The following EBF1 variants were observed in gnomAD, a reference collection of about 807,000 sequenced individuals.
EBF1 encodes the protein transcription factor COE1.
In EBF1, 10 loss-of-function variants were observed where a neutral mutation model predicts 68.4. The observed-to-expected ratio is 0.15, with a 90% CI of 0.09 to 0.25. EBF1 has a LOEUF of 0.25. Among genes scored for constraint, EBF1 ranks in the 10% least tolerant of loss-of-function variants. The pLI, the probability that EBF1 is intolerant of heterozygous loss-of-function variation, is 1.00. For synonymous variants in EBF1, 298 were observed against 299.8 expected, an observed-to-expected ratio of 0.99 and a Z score of 0.06; for missense variants, 509 against 794.4, an observed-to-expected ratio of 0.64 and a Z score of 4.32.
intron 8 of EBF1, among the ~76,000 whole-genome samples, chr5:158,805,142 C>CA (rs1198604360): frequency 6.6e-6 from 1 of 151,994 alleles, no homozygotes; most frequent in East Asian, 1.9e-4. Context: ...AATAACCTTC[C>CA]AAAAATGGAC....
At chr5:158,739,842 TC>T (rs756749996) in intron 10 of EBF1, among the ~76,000 whole-genome samples, 2 of 152,172 alleles carry the variant, frequency 1.3e-5, no homozygotes, top group Non-Finnish European at 2.9e-5. Flanking sequence ...TTTTCTTATA[TC>T]CCCACCCCAG....
intron 6 of EBF1, among the ~76,000 whole-genome samples, chr5:158,955,897 T>G (rs1255293001): frequency 6.6e-6 from 1 of 152,198 alleles, no homozygotes; most frequent in African/African-American, 2.4e-5. Flanking sequence ...AGCAATGGCT[T>G]ACCAAAGGAG....
At chr5:159,071,029 C>T (rs1181494272) in intron 6 of EBF1, among the ~76,000 whole-genome samples, 1 of 152,148 alleles carries the variant, frequency 6.6e-6, no homozygotes, top group Admixed American at 6.6e-5. Flanking sequence ...TGCATAAGTT[C>T]TTCTCTTGTT....
At chr5:158,846,168 G>C (rs1271970109) in intron 6 of EBF1, among the ~76,000 whole-genome samples, 1 of 152,156 alleles carries the variant, frequency 6.6e-6, no homozygotes, top group Admixed American at 6.5e-5. Context: ...GACTTGCTCT[G>C]GCCCAATGCA....
At chr5:159,084,134 A>T (rs1780213869) in intron 5 of EBF1, among the ~76,000 whole-genome samples, 1 of 152,040 alleles carries the variant, frequency 6.6e-6, no homozygotes, top group Admixed American at 6.6e-5. Flanking sequence ...TCAGAGTTAT[A>T]TATAGGGTAA....
intron 6 of EBF1, among the ~76,000 whole-genome samples, chr5:158,885,682 C>T (rs1799900693): frequency 6.6e-6 from 1 of 152,176 alleles, no homozygotes; most frequent in Non-Finnish European, 1.5e-5. Context: ...AGGAAAGATA[C>T]TGGCTCCATT....
chr5:158,836,639 A>G (rs999146142), intron 7 of EBF1, among the ~76,000 whole-genome samples: 8 of 152,236 alleles, frequency 5.3e-5, no homozygotes, highest in Admixed American at 3.3e-4. Flanking sequence ...ATGCACCTGC[A>G]TGCATGAAAC....
intron 15 of EBF1, among the ~76,000 whole-genome samples, chr5:158,705,604 C>A (rs1581167762): frequency 1.3e-5 from 2 of 152,298 alleles, no homozygotes; most frequent in Admixed American, 6.5e-5. Flanking sequence ...TTGTATATAT[C>A]CCTGTCCTGA....
At chr5:159,021,673 T>C (rs1037893695) in intron 6 of EBF1, among the ~76,000 whole-genome samples, 3 of 152,234 alleles carry the variant, frequency 2.0e-5, no homozygotes, top group Non-Finnish European at 4.4e-5. Flanking sequence ...TCCCAGTCTT[T>C]TTGTCGGATG....
At chr5:159,008,503 G>A (rs772723112) in intron 6 of EBF1, among the ~76,000 whole-genome samples, 8 of 149,752 alleles carry the variant, frequency 5.3e-5, no homozygotes, top group Admixed American at 2.7e-4. Flanking sequence ...CTTTTTAAAC[G>A]TTTTCTTTTC....
At chr5:158,725,837 C>T (rs753535952) in intron 11 of EBF1, among the ~76,000 whole-genome samples, 2 of 152,158 alleles carry the variant, frequency 1.3e-5, no homozygotes, top group Non-Finnish European at 2.9e-5. Flanking sequence ...AGGGGTTTCA[C>T]GTTTCTTAAT....
intron 6 of EBF1, among the ~76,000 whole-genome samples, chr5:158,955,191 C>T (rs1399218373): frequency 1.3e-5 from 2 of 151,946 alleles, no homozygotes; most frequent in African/African-American, 4.8e-5. Flanking sequence ...GGAGTGGTGG[C>T]GGGCACCTGT....
At chr5:158,737,266 A>AGTTT (rs1765387638) in intron 10 of EBF1, among the ~76,000 whole-genome samples, 1 of 55,600 alleles carries the variant, frequency 1.8e-5, no homozygotes, top group Non-Finnish European at 3.0e-5. Flanking sequence ...ACATGCCCTG[A>AGTTT]TTTTTTTTTT....
Position 158,708,048 on chromosome 5 carries a change from C to A in EBF1, c.1675G>T (p.Ala559Ser). ...VSAVKQKSAF[A>S]PVVRPQTSPP... is the part of the protein sequence containing the mutation. ...GAGGTCTGGGGTCTGACGACTGGTG[C>A]GAAAGCACTCTTCTGTTTCACGGCT... The change falls in exon 15 of 16, where the codon GCA (alanine) becomes TCA (serine). Residue 559 changes from alanine to serine, a missense_variant. By Grantham distance (99) the Ala-to-Ser change is moderately conservative. This residue lies in a region of EBF1 where 205 missense variants were observed against 247.4 expected (regional missense o/e 0.83). Coordinates refer to ENST00000313708, the MANE Select transcript of EBF1 (RefSeq NM_024007.5). 1.3e-6 allele frequency: 2 copies of A among 1,556,502 alleles called. No homozygotes were observed. Among genetic ancestry groups the A allele is most frequent in the Non-Finnish European group, 1.7e-6 (2 of 1,149,870 alleles).
In EBF1 at chr5:158,797,564, C is replaced by T. The variant is rs10054658; in HGVS notation, c.779-1089G>A. On this transcript the variant is annotated intron_variant, in intron 8 of 15. Transcript: ENST00000313708. ...CAATGAGAGCACTAGTTAATTTTAA[C>T]GGGAAAAAACTGGCAAAAAAATATT... Among the ~76,000 whole-genome samples, 1,135 of 152,154 alleles carry T rather than the reference C, an allele frequency of 7.5e-3. 21 individuals are homozygous for T. Among genetic ancestry groups the T allele is most frequent in the African/African-American group, 0.026 (1,076 of 41,526 alleles).
At chr5:159,027,285 T>C (rs1350285514) in intron 6 of EBF1, among the ~76,000 whole-genome samples, 5 of 152,126 alleles carry the variant, frequency 3.3e-5, no homozygotes, top group Non-Finnish European at 7.4e-5. Flanking sequence ...CTCCTATTAA[T>C]CTATCATTTA....
At chr5:158,996,975 C>T (rs1761547031) in intron 6 of EBF1, among the ~76,000 whole-genome samples, 1 of 152,156 alleles carries the variant, frequency 6.6e-6, no homozygotes, top group Non-Finnish European at 1.5e-5. Flanking sequence ...AACTACACCC[C>T]ATCCTCTTCT....
At chr5:158,715,862 A>AG (rs1760574747) in intron 11 of EBF1, among the ~76,000 whole-genome samples, 1 of 152,232 alleles carries the variant, frequency 6.6e-6, no homozygotes, top group South Asian at 2.1e-4. Flanking sequence ...AAAACAAAAA[A>AG]CAGGATCAAG....
intron 6 of EBF1, among the ~76,000 whole-genome samples, chr5:158,854,315 C>T (rs1173889247): frequency 6.6e-6 from 1 of 152,188 alleles, no homozygotes; most frequent in Non-Finnish European, 1.5e-5. Flanking sequence ...AAAAAACAAA[C>T]ATAGTTCTTG....
Sources: allele counts gnomAD v4.1 joint callset (sites outside exome capture counted in the v4.1 genomes callset), GRCh38; gene constraint gnomAD v4.1.1; regional missense constraint gnomAD v4.1.1; transcripts MANE v1.5; gene names NCBI Gene and HGNC (gene_info 2026-07-23, HGNC 2026-07-21).